The following CPVL variants were observed in gnomAD, a reference collection of about 807,000 sequenced individuals.
CPVL encodes carboxypeptidase vitellogenic like.
In CPVL, 51 loss-of-function variants were observed where a neutral mutation model predicts 63.7. The observed-to-expected ratio is 0.80, with a 90% CI of 0.64 to 1.01. CPVL has a LOEUF of 1.01. Ranked by LOEUF, CPVL falls within the 50% of genes least tolerant of loss-of-function variation. CPVL has a pLI of 0.00. For missense variants in CPVL, 530 were observed against 573.1 expected (o/e 0.92, Z 0.77); for synonymous variants, 195 against 206.0 (o/e 0.95, Z 0.46).
chr7:29,078,719 T>C (rs1029106544), intron 7 of CPVL, among the ~76,000 whole-genome samples: 4 of 152,264 alleles, frequency 2.6e-5, no homozygotes, highest in African/African-American at 9.6e-5. Context: ...TTTACTCATA[T>C]TCTTTTCTGT....
intron 12 of CPVL, among the ~76,000 whole-genome samples, chr7:29,006,654 G>A (rs1376460418): frequency 2.6e-5 from 4 of 152,094 alleles, no homozygotes; most frequent in African/African-American, 9.7e-5. Context: ...CTATGTTCTC[G>A]ACTCACAGCC....
chr7:29,043,937 C>T lies in CPVL; in HGVS notation c.1138-13178G>A, dbSNP rs557645813. ...CACTCTCACACGAAAGAAGAGGAAA[C>T]TGGAGTGGAAAGAGCATGGGGCCTG... is the stretch of plus-strand genomic sequence containing the variant. On this transcript the variant is annotated intron_variant, in intron 11 of 12. Coordinates refer to ENST00000265394, the MANE Select transcript of CPVL (RefSeq NM_031311.5). Among the ~76,000 whole-genome samples the T allele has an allele frequency of 2.6e-5, 4 of 152,256 alleles. No individual in the cohort carries two copies. In the East Asian group the frequency reaches 5.8e-4, roughly 22 times the overall value.
At chr7:29,008,381 A>G (rs1785427868) in intron 12 of CPVL, among the ~76,000 whole-genome samples, 1 of 152,176 alleles carries the variant, frequency 6.6e-6, no homozygotes, top group Admixed American at 6.5e-5. Context: ...CATTTTGGAA[A>G]AAGCACAGAA....
chr7:29,125,458 T>C (rs1333086478), intron 1 of CPVL, among the ~76,000 whole-genome samples: 1 of 146,292 alleles, frequency 6.8e-6, no homozygotes, highest in African/African-American at 2.5e-5. Flanking sequence ...AGTGGTGCGA[T>C]CTCAGCTCAC....
chr7:29,069,859 T>C (rs1783574187), intron 9 of CPVL, among the ~76,000 whole-genome samples: 1 of 151,270 alleles, frequency 6.6e-6, no homozygotes, highest in East Asian at 2.0e-4. Flanking sequence ...GTAGATGACC[T>C]ATCTCCAGAG....
intron 12 of CPVL, among the ~76,000 whole-genome samples, chr7:29,022,205 C>T (rs999971533): frequency 6.6e-6 from 1 of 152,166 alleles, no homozygotes; most frequent in Admixed American, 6.5e-5. Context: ...TCTAGCCTGC[C>T]TCTTGGCCCA....
chr7:29,154,491 A>G (rs1446254820), intron 5 of CPVL, among the ~76,000 whole-genome samples: 1 of 152,162 alleles, frequency 6.6e-6, no homozygotes, highest in East Asian at 1.9e-4. Context: ...GACACTTCTT[A>G]TACTCTAGAT....
At chr7:29,141,281 G>C (rs1335409963) in intron 1 of CPVL, among the ~76,000 whole-genome samples, 1 of 152,254 alleles carries the variant, frequency 6.6e-6, no homozygotes, top group Non-Finnish European at 1.5e-5. Flanking sequence ...ACCGGGCACG[G>C]TGGCTGATGC....
At chr7:29,037,638 T>A (rs1340222275) in intron 11 of CPVL, among the ~76,000 whole-genome samples, 2 of 151,494 alleles carry the variant, frequency 1.3e-5, no homozygotes, top group African/African-American at 4.9e-5. Context: ...TGAAGCATGA[T>A]AAAGTACACA....
chr7:29,046,459 G>C (rs1789622660), intron 11 of CPVL, among the ~76,000 whole-genome samples: 1 of 152,068 alleles, frequency 6.6e-6, no homozygotes, highest in South Asian at 2.1e-4. Context: ...GTGCAAGTAA[G>C]AATTGGCATT....
At chr7:29,008,024 T>C (rs948191828) in intron 12 of CPVL, among the ~76,000 whole-genome samples, 3 of 151,254 alleles carry the variant, frequency 2.0e-5, no homozygotes, top group African/African-American at 7.3e-5. Flanking sequence ...ATGGAGAGAG[T>C]TGCCAAGAAG....
intron 11 of CPVL, among the ~76,000 whole-genome samples, chr7:29,050,385 C>T (rs1790023435): frequency 7.0e-6 from 1 of 143,314 alleles, no homozygotes; most frequent in Non-Finnish European, 1.5e-5. Flanking sequence ...ATCAAGAACT[C>T]AACCCCTTTT....
At position 29,179,368 on chromosome 7, in the gene CPVL, C is replaced by T. The variant is rs560397644; in HGVS notation, c.-11+1922G>A. Among the ~76,000 whole-genome samples the T allele has an allele frequency of 2.0e-5, 3 of 152,326 alleles. No individual in the cohort carries two copies. The South Asian group carries it at 6.2e-4, about 32-fold the overall frequency. ...GCCTTCCTTCCCACACAGTGTCAGC[C>T]TTCTTCAGTCAGCCTTGTTGAAGAA... is the stretch of plus-strand genomic sequence containing the variant. On this transcript the variant is annotated intron_variant, in intron 5 of 16. Coordinates refer to the CPVL transcript ENST00000409850.
In CPVL at chr7:29,146,521, CA is replaced by C. The variant is rs760486853; in HGVS notation, c.-104del. ...CTTCCCAAATCAGGCAGAAGTGAGG[CA>C]GCCCCACCCAGTCACGAGGACCCTG... On this transcript the variant is annotated 5_prime_UTR_variant, in exon 1 of 13. Coordinates refer to ENST00000265394, the MANE Select transcript of CPVL (RefSeq NM_031311.5). 1.7e-5 allele frequency: 25 copies of C among 1,480,236 alleles called. No individual in the cohort carries two copies. The highest frequency in any genetic ancestry group is 1.4e-5 in the Non-Finnish European group (16 of 1,117,492). The allele number at this position is 1,480,236 out of a possible 1,614,324, so 91.7% of individuals were successfully genotyped here. A position where few individuals can be genotyped will look rare whatever the true frequency, so the allele number is the denominator to read the frequency against.
intron 5 of CPVL, among the ~76,000 whole-genome samples, chr7:29,152,449 C>T (rs1430751331): frequency 1.3e-5 from 2 of 152,158 alleles, no homozygotes; most frequent in African/African-American, 4.8e-5. Context: ...TTGCTTTCCT[C>T]ATTTGAAAAT....
intron 12 of CPVL, among the ~76,000 whole-genome samples, chr7:29,005,045 C>T (rs62444258): frequency 0.092 from 13,595 of 148,168 alleles, 1,807 homozygotes; most frequent in African/African-American, 0.29. Flanking sequence ...TACAGGCATA[C>T]GCCACTACAT....
At chr7:29,146,048 G>A (rs1171181056) in intron 1 of CPVL, 1 of 152,388 alleles carries the variant, frequency 6.6e-6, no homozygotes, top group African/African-American at 2.4e-5. Context: ...ACGCGTTGAG[G>A]GAGTAAGGGA....
chr7:29,183,577 A>G (rs888269162), intron 4 of CPVL, among the ~76,000 whole-genome samples: 5 of 151,602 alleles, frequency 3.3e-5, no homozygotes, highest in African/African-American at 1.2e-4. Flanking sequence ...GGGTTTCACC[A>G]TGTTGGCCAG....
At chr7:29,157,876 T>C (rs940952174) in intron 5 of CPVL, among the ~76,000 whole-genome samples, 2 of 152,222 alleles carry the variant, frequency 1.3e-5, no homozygotes, top group Non-Finnish European at 2.9e-5. Flanking sequence ...AGAAATGTCA[T>C]GTGCTAATGT....
Sources: allele counts gnomAD v4.1 joint callset (sites outside exome capture counted in the v4.1 genomes callset), GRCh38; gene constraint gnomAD v4.1.1; transcripts MANE v1.5; gene names NCBI Gene and HGNC (gene_info 2026-07-23, HGNC 2026-07-21).